The following ZNF775 variants were observed in gnomAD, a reference collection of about 807,000 sequenced individuals.
ZNF775 encodes the protein zinc finger protein 775.
A neutral mutation model predicts 2.4 loss-of-function variants in ZNF775; 1 was observed. That is an observed-to-expected ratio of 0.41 (90% CI 0.15 to 1.94). The LOEUF (loss-of-function observed/expected upper bound fraction) is 1.94. Among genes scored for constraint, ZNF775 ranks in the 30% most tolerant of loss-of-function variants. ZNF775 has a pLI of 0.30. For synonymous variants in ZNF775, 381 were observed against 373.3 expected (o/e 1.02, Z -0.24); for missense variants, 823 against 826.6 (o/e 1.00, Z 0.05).
At chr7:150,390,087 T>C (rs1345962527) in intron 2 of ZNF775, among the ~76,000 whole-genome samples, 1 of 152,102 alleles carries the variant, frequency 6.6e-6, no homozygotes, top group Admixed American at 6.5e-5. Flanking sequence ...CTTTGCACCT[T>C]CTAATTTTAT....
At chr7:150,395,634 T>G (rs1800634330) in intron 2 of ZNF775, among the ~76,000 whole-genome samples, 1 of 152,236 alleles carries the variant, frequency 6.6e-6, no homozygotes, top group African/African-American at 2.4e-5. Flanking sequence ...TTCACATAAA[T>G]GGAATCACAC....
At chr7:150,391,736 G>A (rs1268531505) in intron 2 of ZNF775, among the ~76,000 whole-genome samples, 1 of 81,362 alleles carries the variant, frequency 1.2e-5, no homozygotes, top group African/African-American at 4.5e-5. Context: ...TTGAGATAGA[G>A]TTTTTGCTTT....
chr7:150,383,219 A>G (rs1205897710), intron 1 of ZNF775, among the ~76,000 whole-genome samples: 2 of 152,212 alleles, frequency 1.3e-5, no homozygotes, highest in African/African-American at 4.8e-5. Flanking sequence ...AATTAAAAAC[A>G]TCTGCTATTA....
intron 2 of ZNF775, 101 bp downstream of exon 2, chr7:150,388,602 C>T (rs1800499422): frequency 2.2e-6 from 3 of 1,340,698 alleles, no homozygotes; most frequent in African/African-American, 2.9e-5. Flanking sequence ...TGCCCTCAGC[C>T]AGTAGCTAGT....
chr7:150,392,059 A>C (rs1800569063), intron 2 of ZNF775, among the ~76,000 whole-genome samples: 1 of 152,152 alleles, frequency 6.6e-6, no homozygotes, highest in South Asian at 2.1e-4. Flanking sequence ...ATCTTTTGTC[A>C]TACAGATGTT....
At chr7:150,389,344 G>A (rs559035246) in intron 2 of ZNF775, among the ~76,000 whole-genome samples, 56 of 152,374 alleles carry the variant, frequency 3.7e-4, no homozygotes, top group Non-Finnish European at 4.7e-4. Context: ...GGAATATCAT[G>A]TCAGGAGACC....
At chr7:150,383,136 A>G (rs1800391350) in intron 1 of ZNF775, among the ~76,000 whole-genome samples, 1 of 152,118 alleles carries the variant, frequency 6.6e-6, no homozygotes, top group Non-Finnish European at 1.5e-5. Context: ...TTTAGATATG[A>G]TTGTATCTGG....
intron 2 of ZNF775, 122 bp from the exon 3 acceptor site, chr7:150,396,391 C>T: frequency 8.1e-7 from 1 of 1,227,182 alleles, no homozygotes; most frequent in Non-Finnish European, 1.1e-6. Flanking sequence ...TTTCTCGTGC[C>T]CTCTTTTCAG....
At position 150,396,673 on chromosome 7, in the gene ZNF775, G is replaced by A; in HGVS notation, c.192G>A (p.Gly64=). 2 of 1,609,550 alleles carry A rather than the reference G, an allele frequency of 1.2e-6. No individual in the cohort carries two copies. The highest frequency in any genetic ancestry group is 1.7e-6 in the Non-Finnish European group (2 of 1,178,778). Residue 64 remains glycine, a synonymous_variant, in exon 3 of 3, where the codon GGG becomes GGA. Coordinates refer to ENST00000329630, the MANE Select transcript of ZNF775 (RefSeq NM_173680.4). ...RQTMGRPRAL[G]GQEESGSPRW... Reference sequence around the variant, plus strand: ...CCATGGGGCGGCCTCGAGCCCTGGGGGGACAGGAGGAGTCTGGGAGTCCAA... The same window carrying A: ...CCATGGGGCGGCCTCGAGCCCTGGGAGGACAGGAGGAGTCTGGGAGTCCAA...
Position 150,397,584 on chromosome 7 carries a change from G to T in ZNF775, c.1103G>T (p.Cys368Phe). The T allele has an allele frequency of 6.8e-7, 1 of 1,476,922 alleles. No individual in the cohort carries two copies. Among genetic ancestry groups the T allele is most frequent in the South Asian group, 1.3e-5 (1 of 79,284 alleles). 91.5% of individuals were successfully genotyped at this position (1,476,922 alleles called of 1,614,324 possible). A position where few individuals can be genotyped will look rare whatever the true frequency, so the allele number is the denominator to read the frequency against. ...CTGCCCGGCGCCCAGGCTGCGCCCT[G>T]CCCCAGCTGCGGTAAGAGCTGCCGC... ...THLPGAQAAPCPSCGKSCRSR... is the reference protein window; with the variant it reads ...THLPGAQAAPFPSCGKSCRSR... Residue 368 changes from cysteine to phenylalanine, a missense_variant, in exon 3 of 3, where the codon TGC becomes TTC. Coordinates refer to ENST00000329630, the MANE Select transcript of ZNF775 (RefSeq NM_173680.4).
chr7:150,387,247 A>G (rs1406287860), intron 1 of ZNF775, among the ~76,000 whole-genome samples: 2 of 141,810 alleles, frequency 1.4e-5, no homozygotes, highest in African/African-American at 5.3e-5. Flanking sequence ...GCGAACTGAG[A>G]TTGGGCCACT....
chr7:150,389,130 G>A (rs948799492), intron 2 of ZNF775, among the ~76,000 whole-genome samples: 1 of 152,228 alleles, frequency 6.6e-6, no homozygotes, highest in African/African-American at 2.4e-5. Context: ...TGTCGCATGT[G>A]GCGTGTGGCC....
chr7:150,387,805 A>G (rs1585085457), intron 1 of ZNF775, among the ~76,000 whole-genome samples: 2 of 124,212 alleles, frequency 1.6e-5, no homozygotes, highest in Admixed American at 8.7e-5. Flanking sequence ...GCGAGACTCC[A>G]TCTCAAAAAA....
rs955960241 is a variant in ZNF775 at position 150,397,917 on chromosome 7, G to A, written c.1436G>A (p.Cys479Tyr). ...TGERPYPCPE[C>Y]GRRFSQKPNL... The stretch of plus-strand genomic sequence containing the variant: ...GAGCGGCCCTACCCGTGCCCCGAGT[G>A]CGGCCGCCGCTTCAGCCAGAAGCCC... The change falls in exon 3 of 3, where the codon TGC becomes TAC. Residue 479 changes from cysteine (C) to tyrosine (Y), a missense_variant. Coordinates refer to ENST00000329630, the MANE Select transcript of ZNF775 (RefSeq NM_173680.4). 2 of 1,600,968 alleles carry A rather than the reference G, an allele frequency of 1.2e-6. No homozygotes were observed. The highest frequency in any genetic ancestry group is 2.7e-5 in the African/African-American group (2 of 74,808).
intron 2 of ZNF775, among the ~76,000 whole-genome samples, 185 bp from the exon 3 acceptor site, chr7:150,396,328 C>A (rs1011748091): frequency 6.6e-6 from 1 of 152,036 alleles, no homozygotes; most frequent in African/African-American, 2.4e-5. Flanking sequence ...ACTCTTTTTT[C>A]TTCTTTTGCC....
At chr7:150,391,264 T>C (rs1202201573) in intron 2 of ZNF775, among the ~76,000 whole-genome samples, 1 of 152,222 alleles carries the variant, frequency 6.6e-6, no homozygotes, top group Admixed American at 6.5e-5. Flanking sequence ...TCCCAGCACT[T>C]TGGGAGGCCC....
At chr7:150,394,633 T>TTC (rs141275634) in intron 2 of ZNF775, among the ~76,000 whole-genome samples, 22 of 150,488 alleles carry the variant, frequency 1.5e-4, no homozygotes, top group African/African-American at 2.7e-4. Context: ...AGGAGCTTTC[T>TTC]TCTCTCTCTC....
chr7:150,389,035 G>C (rs549574006), intron 2 of ZNF775, among the ~76,000 whole-genome samples: 2 of 152,374 alleles, frequency 1.3e-5, no homozygotes, highest in East Asian at 1.9e-4. Flanking sequence ...CTTTTGGCTG[G>C]AGCCCCTGCC....
chr7:150,389,328 C>T (rs1800514321), intron 2 of ZNF775, among the ~76,000 whole-genome samples: 1 of 152,250 alleles, frequency 6.6e-6, no homozygotes, highest in Non-Finnish European at 1.5e-5. Context: ...GCCGCCTCCC[C>T]TCCCAGGAAT....
Sources: allele counts gnomAD v4.1 joint callset (sites outside exome capture counted in the v4.1 genomes callset), GRCh38; gene constraint gnomAD v4.1.1; transcripts MANE v1.5; gene names NCBI Gene and HGNC (gene_info 2026-07-23, HGNC 2026-07-21).